The following KLF17 variants were observed in gnomAD, a reference collection of about 807,000 sequenced individuals.
The protein encoded by KLF17 is Krueppel-like factor 17.
Under a neutral mutation model 34.2 loss-of-function variants are expected in KLF17, and 31 were observed. That is an observed-to-expected ratio of 0.91 (90% CI 0.68 to 1.22). The LOEUF (loss-of-function observed/expected upper bound fraction) is 1.22, where lower values mean the gene tolerates loss of function less well. Among genes scored for constraint, KLF17 ranks in the 50% most tolerant of loss-of-function variants. KLF17 has a pLI of 0.00. For synonymous variants in KLF17, 179 were observed against 186.7 expected (o/e 0.96, Z 0.34); for missense variants, 478 against 505.2 (o/e 0.95, Z 0.52).
chr1:44,085,521 G>C, the KLF17 span, among the ~76,000 whole-genome samples: 1 of 152,050 alleles, frequency 6.6e-6, no homozygotes, highest in Admixed American at 6.5e-5. Context: ...AGTTGGACAC[G>C]GTGGCTCACG....
chr1:44,065,222 A>G, the KLF17 span, among the ~76,000 whole-genome samples: 1 of 151,814 alleles, frequency 6.6e-6, no homozygotes, highest in South Asian at 2.1e-4. Flanking sequence ...TGGGAGGCAG[A>G]GGTTGCAGTG....
At chr1:44,102,319 A>C in the KLF17 span, among the ~76,000 whole-genome samples, 2 of 152,068 alleles carry the variant, frequency 1.3e-5, no homozygotes, top group African/African-American at 2.4e-5. Context: ...AGATCACTTA[A>C]GGCGGACAGA....
At chr1:44,071,314 C>T in the KLF17 span, among the ~76,000 whole-genome samples, 3 of 152,166 alleles carry the variant, frequency 2.0e-5, no homozygotes, top group African/African-American at 7.2e-5. Flanking sequence ...CACAGCTCAC[C>T]CCTCCTATGG....
At chr1:44,047,312 G>T in the KLF17 span, among the ~76,000 whole-genome samples, 2 of 152,344 alleles carry the variant, frequency 1.3e-5, no homozygotes, top group South Asian at 4.1e-4. Context: ...GTGGGCTAAT[G>T]AGAGGTTGGT....
At chr1:44,080,236 CT>C in the KLF17 span, among the ~76,000 whole-genome samples, 3,838 of 94,052 alleles carry the variant, frequency 0.041, 50 homozygotes, top group African/African-American at 0.05. Flanking sequence ...CCCTCTGTGT[CT>C]TTTTTTTTTT....
chr1:44,108,352 C>T, the KLF17 span, among the ~76,000 whole-genome samples: 2 of 152,198 alleles, frequency 1.3e-5, no homozygotes, highest in African/African-American at 4.8e-5. Context: ...TTTACTTTTG[C>T]TGACTGTTTC....
chr1:44,126,127 C>G (rs2088005423), intron 1 of KLF17, among the ~76,000 whole-genome samples: 2 of 151,820 alleles, frequency 1.3e-5, no homozygotes, highest in Admixed American at 1.3e-4. Context: ...GGGTTCACAC[C>G]ATTCTCCTGC....
chr1:44,073,209 C>CTTTTTTTT, the KLF17 span, among the ~76,000 whole-genome samples: 5 of 137,782 alleles, frequency 3.6e-5, no homozygotes, highest in African/African-American at 1.1e-4. Flanking sequence ...TCTTCTTCTT[C>CTTTTTTTT]TTTTTTTTTT....
chr1:44,057,852 C>G, the KLF17 span, among the ~76,000 whole-genome samples: 1 of 152,154 alleles, frequency 6.6e-6, no homozygotes, highest in Non-Finnish European at 1.5e-5. Flanking sequence ...AGGGAGCTGC[C>G]CATACCCTCA....
At chr1:44,064,762 T>A in the KLF17 span, among the ~76,000 whole-genome samples, 1 of 152,234 alleles carries the variant, frequency 6.6e-6, no homozygotes, top group African/African-American at 2.4e-5. Flanking sequence ...AAAATGTCCT[T>A]TGCTTTATAT....
upstream of KLF17, among the ~76,000 whole-genome samples, chr1:44,117,784 T>C (rs1400505923): frequency 6.6e-6 from 1 of 152,172 alleles, no homozygotes; most frequent in East Asian, 1.9e-4. Flanking sequence ...CGTGAACCAC[T>C]GCGCCCAGCC....
chr1:44,131,038 G>A (rs186093183), intron 3 of KLF17, among the ~76,000 whole-genome samples: 6 of 152,162 alleles, frequency 3.9e-5, no homozygotes, highest in Admixed American at 1.3e-4. Context: ...CTCATGATCC[G>A]CCCACGCTGG....
At chr1:44,104,064 G>A in the KLF17 span, 1 of 888,778 alleles carries the variant, frequency 1.1e-6, no homozygotes, top group Non-Finnish European at 1.9e-6. Context: ...GGAGATCTGG[G>A]ACTGCAGCTC....
At chr1:44,099,079 A>G in the KLF17 span, among the ~76,000 whole-genome samples, 1 of 152,016 alleles carries the variant, frequency 6.6e-6, no homozygotes, top group East Asian at 1.9e-4. Flanking sequence ...AGTATCTATA[A>G]TGTGCTACCT....
At chr1:44,127,749 CTTTT>C (rs2088043390) in intron 1 of KLF17, among the ~76,000 whole-genome samples, 1 of 133,664 alleles carries the variant, frequency 7.5e-6, no homozygotes, top group Non-Finnish European at 1.6e-5. Context: ...TCTTTCTTCT[CTTTT>C]CTTTCTTTCT....
the KLF17 span, chr1:44,046,129 GA>G: frequency 7.1e-6 from 1 of 141,782 alleles, no homozygotes; most frequent in African/African-American, 2.6e-5. Flanking sequence ...TTTGGTAAAG[GA>G]TAATAATAAT....
At chr1:44,080,384 G>T in the KLF17 span, among the ~76,000 whole-genome samples, 7 of 150,696 alleles carry the variant, frequency 4.6e-5, no homozygotes, top group Admixed American at 1.3e-4. Context: ...GACTGCAGGC[G>T]CCCACCACCA....
the KLF17 span, among the ~76,000 whole-genome samples, chr1:44,066,632 T>C: frequency 7.2e-5 from 11 of 152,206 alleles, no homozygotes; most frequent in African/African-American, 2.7e-4. Context: ...TCTTGTGTTA[T>C]TGAACAATCA....
chr1:44,087,354 C>T, the KLF17 span, among the ~76,000 whole-genome samples: 11 of 151,984 alleles, frequency 7.2e-5, no homozygotes, highest in African/African-American at 2.7e-4. Flanking sequence ...TCCCTGGGCT[C>T]AGGGGATCCT....
Sources: gnomAD v4.1 joint callset for allele counts (sites outside exome capture counted in the v4.1 genomes callset) on GRCh38, gnomAD v4.1.1 for gene constraint, MANE v1.5 for transcripts, NCBI Gene and HGNC (gene_info 2026-07-23, HGNC 2026-07-21) for gene names.